PRUNE2: variants seen among roughly 807,000 people sequenced by gnomAD.
PRUNE2 encodes prune homolog 2 with BCH domain, also known as protein prune homolog 2.
In PRUNE2, 164 loss-of-function variants were observed where a neutral mutation model predicts 252.0. That is an observed-to-expected ratio of 0.65 (90% confidence interval 0.57 to 0.74). The LOEUF (loss-of-function observed/expected upper bound fraction) is 0.74. PRUNE2 is among the 30% of genes least tolerant of loss of function. PRUNE2 has a pLI of 0.00. For missense variants in PRUNE2, 3,495 were observed against 3,711.0 expected (o/e 0.94, Z 1.51); for synonymous variants, 1,292 against 1,350.2 (o/e 0.96, Z 0.94).
chr9:76,655,529 TCAACAA>T (rs753640224), intron 9 of PRUNE2, 27 bp from the exon 10 acceptor site: 111 of 1,542,742 alleles, frequency 7.2e-5, no homozygotes, highest in Non-Finnish European at 9.3e-5. Flanking sequence ...GCAAAGCGCG[TCAACAA>T]CAACTGTGTA....
At chr9:76,731,578 T>G in intron 6 of PRUNE2, among the ~76,000 whole-genome samples, 1 of 152,176 alleles carries the variant, frequency 6.6e-6, no homozygotes, top group East Asian at 1.9e-4. Flanking sequence ...TCCCCCCATC[T>G]TGGCCTACCA....
intron 2 of PRUNE2, among the ~76,000 whole-genome samples, chr9:76,852,177 C>G (rs1272401751): frequency 1.3e-5 from 2 of 152,224 alleles, no homozygotes; most frequent in Non-Finnish European, 2.9e-5. Context: ...ACTGCTATAG[C>G]ATACAAAGCA....
intron 6 of PRUNE2, chr9:76,788,473 G>A: frequency 1.4e-6 from 1 of 733,018 alleles, no homozygotes; most frequent in Non-Finnish European, 2.5e-6. Flanking sequence ...AGAGTTCCTG[G>A]ATTGAAAGGC....
At chr9:76,623,666 T>C (rs1320549220) in intron 17 of PRUNE2, among the ~76,000 whole-genome samples, 1 of 152,198 alleles carries the variant, frequency 6.6e-6, no homozygotes, top group Non-Finnish European at 1.5e-5. Context: ...ATAATTTCTG[T>C]CCAGTGGAAA....
intron 6 of PRUNE2, among the ~76,000 whole-genome samples, chr9:76,795,342 CCAGA>C (rs1456569027): frequency 2.0e-5 from 3 of 152,046 alleles, no homozygotes; most frequent in Non-Finnish European, 2.9e-5. Flanking sequence ...CTGCGGAGAC[CCAGA>C]CAAACATTGA....
intron 1 of PRUNE2, among the ~76,000 whole-genome samples, chr9:76,902,445 CT>C (rs1169622076): frequency 2.0e-5 from 3 of 152,312 alleles, no homozygotes; most frequent in Admixed American, 1.3e-4. Flanking sequence ...CGTTTGCACT[CT>C]CTCTAGTTTT....
intron 6 of PRUNE2, among the ~76,000 whole-genome samples, chr9:76,717,682 C>G (rs956701646): frequency 1.3e-4 from 20 of 152,138 alleles, no homozygotes; most frequent in South Asian, 1.0e-3. Context: ...TACCACCCCC[C>G]CCACCAGCCA....
rs746321044 is a variant in PRUNE2, at chr9:76,703,600, AC to A, written c.8012del (p.Gly2671ValfsTer10). The A allele has an allele frequency of 6.2e-7, 1 of 1,613,082 alleles. No individual in the cohort carries two copies. The highest frequency in any genetic ancestry group is 2.2e-5 in the East Asian group (1 of 44,870). Reference protein sequence around the residue: ...EPFSELGLGEGPQLQILEEMK... With the variant: ...EPFSELGLGEXPQLQILEEMK... ...TTTCTTCCAGAATCTGCAGCTGGGG[AC>A]CCTCACCCAAGCCGAGTTCAGAGAA... On this transcript the variant is annotated frameshift_variant, in exon 9 of 19. Coordinates refer to ENST00000376718, the MANE Select transcript of PRUNE2 (RefSeq NM_015225.3). LOFTEE classifies it high-confidence loss of function.
chr9:76,688,716 C>T (rs1444288908), intron 9 of PRUNE2, among the ~76,000 whole-genome samples: 1 of 152,202 alleles, frequency 6.6e-6, no homozygotes, highest in South Asian at 2.1e-4. Context: ...AATCACAATA[C>T]CCAGCTCAAG....
At chr9:76,796,675 G>A (rs972041583) in intron 6 of PRUNE2, among the ~76,000 whole-genome samples, 7 of 152,116 alleles carry the variant, frequency 4.6e-5, no homozygotes, top group Admixed American at 3.9e-4. Flanking sequence ...TGGGATGTCC[G>A]GACATTTGGC....
chr9:76,865,842 CACACA>C lies in PRUNE2; in HGVS notation c.37-11639_37-11635del, dbSNP rs1564465979. ...ACACACACACACACACACACACACA[CACACA>C]CCAGAGCATTATGACATGTGCATTA... On this transcript the variant is annotated intron_variant, in intron 1 of 18. Coordinates refer to ENST00000376718, the MANE Select transcript of PRUNE2 (RefSeq NM_015225.3). Among the ~76,000 whole-genome samples the C allele has an allele frequency of 8.1e-3, 1,225 of 150,312 alleles. 15 individuals carry two copies. The highest frequency in any genetic ancestry group is 0.029 in the African/African-American group (1,158 of 39,972).
At chr9:76,894,741 C>A (rs981100133) in intron 1 of PRUNE2, among the ~76,000 whole-genome samples, 1 of 110,022 alleles carries the variant, frequency 9.1e-6, no homozygotes, top group Non-Finnish European at 1.7e-5. Flanking sequence ...AAGGACCAGC[C>A]AGGTACGGTG....
intron 6 of PRUNE2, chr9:76,785,131 AC>A (rs1401085592): frequency 6.6e-6 from 1 of 151,806 alleles, no homozygotes; most frequent in Non-Finnish European, 1.5e-5. Flanking sequence ...ATCACCATCA[AC>A]CCCTCCCATG....
intron 12 of PRUNE2, among the ~76,000 whole-genome samples, chr9:76,640,765 C>T (rs553668995): frequency 7.2e-5 from 11 of 152,194 alleles, no homozygotes; most frequent in South Asian, 2.1e-4. Flanking sequence ...ATCCTCATAC[C>T]GCACAGATAA....
intron 1 of PRUNE2, among the ~76,000 whole-genome samples, chr9:76,860,054 C>A (rs1175247018): frequency 6.6e-6 from 1 of 152,086 alleles, no homozygotes; most frequent in African/African-American, 2.4e-5. Flanking sequence ...AAAGCTGAAA[C>A]AATTGATTGG....
chr9:76,638,001 C>T (rs918334928), intron 13 of PRUNE2, among the ~76,000 whole-genome samples, 185 bp downstream of exon 13: 1 of 152,132 alleles, frequency 6.6e-6, no homozygotes, highest in Admixed American at 6.5e-5. Flanking sequence ...TCTAGTCTAC[C>T]CACAAAAGAG....
At chr9:76,670,323 C>T (rs1389102145) in intron 9 of PRUNE2, among the ~76,000 whole-genome samples, 15 of 151,708 alleles carry the variant, frequency 9.9e-5, no homozygotes, top group East Asian at 2.0e-4. Context: ...CACTCCCACC[C>T]AAATACTGCG....
intron 6 of PRUNE2, among the ~76,000 whole-genome samples, chr9:76,799,792 T>A (rs1051729822): frequency 6.6e-6 from 1 of 152,246 alleles, no homozygotes; most frequent in Non-Finnish European, 1.5e-5. Flanking sequence ...CAGTTAATAC[T>A]GACTTGTTTG....
intron 17 of PRUNE2, among the ~76,000 whole-genome samples, chr9:76,623,298 ATTT>A (rs756782306): frequency 6.9e-6 from 1 of 144,128 alleles, no homozygotes. Context: ...GAATGACTGG[ATTT>A]TTTTTTTTTT....
Sources: gnomAD v4.1 joint callset for allele counts (sites outside exome capture counted in the v4.1 genomes callset) on GRCh38, gnomAD v4.1.1 for gene constraint, MANE v1.5 for transcripts, NCBI Gene and HGNC (gene_info 2026-07-23, HGNC 2026-07-21) for gene names.